RPL31: variants seen among roughly 807,000 people sequenced by gnomAD.
RPL31 encodes the protein large ribosomal subunit protein eL31.
For synonymous variants in RPL31, 51 were observed against 55.0 expected, an observed-to-expected ratio of 0.93 and a Z score of 0.32; for missense variants, 95 against 164.0, an observed-to-expected ratio of 0.58 and a Z score of 2.30.
chr2:101,008,087 G>T, downstream of RPL31: 1 of 1,613,926 alleles, frequency 6.2e-7, no homozygotes. Flanking sequence ...TCAGGAGAAG[G>T]AGCTGAAGCC....
chr2:101,019,140 G>C, exon 5 of RPL31: 2 of 1,492,856 alleles, frequency 1.3e-6, no homozygotes, highest in Non-Finnish European at 9.1e-7. Flanking sequence ...GAGGACGTCT[G>C]TCTCCCATAT....
At chr2:101,016,243 G>A (rs994254378) in intron 4 of RPL31, among the ~76,000 whole-genome samples, 4 of 152,014 alleles carry the variant, frequency 2.6e-5, no homozygotes, top group South Asian at 2.1e-4. Context: ...AACAAACAAC[G>A]CCATCAAAAA....
At chr2:101,016,658 A>G (rs994221969) in intron 4 of RPL31, among the ~76,000 whole-genome samples, 2 of 152,186 alleles carry the variant, frequency 1.3e-5, no homozygotes, top group Non-Finnish European at 2.9e-5. Context: ...ACAATAGCAA[A>G]GACTTGGAAC....
At chr2:101,004,678 G>C in intron 3 of RPL31, 1 of 207,514 alleles carries the variant, frequency 4.8e-6, no homozygotes, top group East Asian at 1.0e-4. Flanking sequence ...GCCTGCGGCA[G>C]TTTTACCTGT....
chr2:101,008,292 TTAGG>T (rs768857004), downstream of RPL31: 47 of 1,500,602 alleles, frequency 3.1e-5, no homozygotes, highest in Non-Finnish European at 3.5e-5. Flanking sequence ...GAAATAAGTC[TTAGG>T]TAGCAGCAGA....
intron 4 of RPL31, among the ~76,000 whole-genome samples, chr2:101,017,464 C>T (rs1679738503): frequency 6.6e-6 from 1 of 152,150 alleles, no homozygotes; most frequent in South Asian, 2.1e-4. Context: ...ATGTGTTTTG[C>T]TATGGTGTTT....
chr2:101,007,442 A>C (rs183441553), downstream of RPL31, among the ~76,000 whole-genome samples: 3 of 152,032 alleles, frequency 2.0e-5, no homozygotes, highest in Non-Finnish European at 2.9e-5. Context: ...TTGATTCCTG[A>C]CCTCTCCCAT....
chr2:101,019,075 T>G, exon 5 of RPL31: 1 of 1,597,992 alleles, frequency 6.3e-7, no homozygotes, highest in Non-Finnish European at 8.5e-7. Flanking sequence ...GCCTTGGGTC[T>G]CGGCTCTTCA....
chr2:101,008,314 T>TGGAA (rs1193406429), downstream of RPL31: 1 of 1,451,132 alleles, frequency 6.9e-7, no homozygotes, highest in Non-Finnish European at 9.1e-7. Context: ...AGAACCAGGG[T>TGGAA]GGAAGTGTCA....
rs558063833 is a variant in RPL31, at chr2:101,013,859, C to T, written c.347-5139C>T. The stretch of plus-strand genomic sequence containing the variant: ...AATCATCAAAATAATCCCATCTCCA[C>T]CATGCTTATTTTGCAAAAGCAGTAT... On this transcript the variant is annotated intron_variant, in intron 4 of 4. Transcript: ENST00000409028. 2.0e-5 allele frequency among the ~76,000 whole-genome samples: 3 copies of T among 152,336 alleles called. No homozygotes were observed. The South Asian group carries it at 6.2e-4, about 32-fold the overall frequency.
At chr2:101,008,467 G>T (rs902255796), downstream of RPL31, among the ~76,000 whole-genome samples, 1 of 152,180 alleles carries the variant, frequency 6.6e-6, no homozygotes, top group African/African-American at 2.4e-5. Context: ...CACAGACTTG[G>T]AAATGGGTAG....
intron 4 of RPL31, among the ~76,000 whole-genome samples, chr2:101,018,623 A>C (rs1027676432): frequency 6.6e-6 from 1 of 152,224 alleles, no homozygotes; most frequent in African/African-American, 2.4e-5. Flanking sequence ...CATTTCAGAG[A>C]GCCTATCTGT....
chr2:101,004,482 A>G (rs906107963), intron 3 of RPL31, 199 bp downstream of exon 3: 4 of 571,448 alleles, frequency 7.0e-6, no homozygotes, highest in African/African-American at 3.8e-5. Flanking sequence ...ACTGAGACCC[A>G]AGGGAAGGAG....
At chr2:101,017,414 TAG>T (rs1222988695) in intron 4 of RPL31, among the ~76,000 whole-genome samples, 1 of 152,192 alleles carries the variant, frequency 6.6e-6, no homozygotes, top group Non-Finnish European at 1.5e-5. Context: ...ACAACGGCAA[TAG>T]AGTTGTTTAC....
At chr2:101,017,517 A>G (rs1191828973) in intron 4 of RPL31, among the ~76,000 whole-genome samples, 3 of 152,316 alleles carry the variant, frequency 2.0e-5, no homozygotes, top group South Asian at 2.1e-4. Context: ...CTGTAATCCT[A>G]TGGGACCACC....
downstream of RPL31, chr2:101,007,690 TGTCAGGTTGTTTA>T: frequency 1.1e-6 from 1 of 912,038 alleles, no homozygotes; most frequent in Non-Finnish European, 1.7e-6. Flanking sequence ...GGCCACAGTT[TGTCAGGTTGTTTA>T]GCCAGATGCC....
chr2:101,018,180 A>G (rs1045552978), intron 4 of RPL31: 1 of 374,456 alleles, frequency 2.7e-6, no homozygotes, highest in Middle Eastern at 6.8e-4. Flanking sequence ...ATCTATAATT[A>G]TGTTTTAGAA....
chr2:101,011,432 A>C, downstream of RPL31: 1 of 1,613,522 alleles, frequency 6.2e-7, no homozygotes, highest in East Asian at 2.2e-5. Flanking sequence ...GGAAAGCAAC[A>C]ATGAAAAGAG....
chr2:101,014,850 T>C (rs192309385), intron 4 of RPL31, among the ~76,000 whole-genome samples: 2 of 152,326 alleles, frequency 1.3e-5, no homozygotes, highest in East Asian at 3.9e-4. Flanking sequence ...ACTTCTCTCT[T>C]AGACAACCAG....
Sources: allele counts gnomAD v4.1 joint callset (sites outside exome capture counted in the v4.1 genomes callset), GRCh38; gene constraint gnomAD v4.1.1; transcripts MANE v1.5; gene names NCBI Gene and HGNC (gene_info 2026-07-23, HGNC 2026-07-21).